PTPRM: variants seen among roughly 807,000 people sequenced by gnomAD.
PTPRM encodes the protein protein tyrosine phosphatase receptor type M, also known as receptor-type tyrosine-protein phosphatase mu.
A neutral mutation model predicts 186.7 loss-of-function variants in PTPRM; 47 were observed. The observed-to-expected ratio is 0.25, with a 90% CI of 0.20 to 0.32. The LOEUF (loss-of-function observed/expected upper bound fraction) is 0.32, where lower values mean the gene tolerates loss of function less well. PTPRM is among the 10% of genes least tolerant of loss of function. The pLI, the probability that PTPRM is intolerant of heterozygous loss-of-function variation, is 1.00. For missense variants in PTPRM, 1,494 were observed against 1,865.0 expected (o/e 0.80, Z 3.66); for synonymous variants, 668 against 674.9 (o/e 0.99, Z 0.16).
chr18:8,355,616 A>G (rs985270354), intron 23 of PTPRM, among the ~76,000 whole-genome samples: 4 of 152,164 alleles, frequency 2.6e-5, no homozygotes, highest in Non-Finnish European at 2.9e-5. Flanking sequence ...GGATCATCCA[A>G]AGGCAGAACA....
intron 1 of PTPRM, among the ~76,000 whole-genome samples, chr18:7,628,764 C>T (rs2038121275): frequency 6.6e-6 from 1 of 152,182 alleles, no homozygotes. Context: ...AAAATAGACC[C>T]AAAATGCTGG....
At chr18:8,182,708 C>G (rs1239853638) in intron 14 of PTPRM, among the ~76,000 whole-genome samples, 1 of 152,204 alleles carries the variant, frequency 6.6e-6, no homozygotes, top group African/African-American at 2.4e-5. Flanking sequence ...TGTAAAATCA[C>G]TATGATTAAA....
intron 4 of PTPRM, among the ~76,000 whole-genome samples, chr18:7,919,387 T>C (rs571459040): frequency 1.8e-4 from 28 of 152,256 alleles, no homozygotes; most frequent in African/African-American, 6.7e-4. Flanking sequence ...TTGAGTAGTA[T>C]TGTCATTTTA....
intron 2 of PTPRM, among the ~76,000 whole-genome samples, chr18:7,846,897 TG>T (rs893268659): frequency 8.5e-5 from 13 of 152,158 alleles, no homozygotes; most frequent in African/African-American, 2.9e-4. Flanking sequence ...CTTATTCTAC[TG>T]TATTTTATCT....
intron 7 of PTPRM, among the ~76,000 whole-genome samples, chr18:8,030,573 T>G (rs2187185): frequency 0.023 from 3,559 of 152,356 alleles, 139 homozygotes; most frequent in African/African-American, 0.081. Flanking sequence ...CTGTCTATTT[T>G]AGTATAATAC....
intron 7 of PTPRM, among the ~76,000 whole-genome samples, chr18:7,996,783 A>T (rs2083562430): frequency 6.7e-6 from 1 of 149,014 alleles, no homozygotes; most frequent in African/African-American, 2.5e-5. Flanking sequence ...AAGCTATCGC[A>T]TTTACAGTAG....
intron 14 of PTPRM, among the ~76,000 whole-genome samples, chr18:8,199,516 G>T (rs1335179860): frequency 6.6e-6 from 1 of 152,222 alleles, no homozygotes; most frequent in Non-Finnish European, 1.5e-5. Context: ...GTTGAGGTCA[G>T]TGTAGCTCCA....
chr18:8,352,456 T>A lies in PTPRM; in HGVS notation c.3054+8936T>A, dbSNP rs556548567. ...TTCCCTCCTTCCTCTCTCCTCCCTT[T>A]TATATTCCCCAGTGTTTATTCCCAT... On this transcript the variant is annotated intron_variant, in intron 23 of 32. Transcript: ENST00000580170. Among the ~76,000 whole-genome samples the A allele has an allele frequency of 3.3e-5, 5 of 152,230 alleles. No individual in the cohort carries two copies. In the South Asian group the frequency reaches 1.0e-3, roughly 32 times the overall value.
chr18:7,666,190 C>T (rs1259783579), intron 1 of PTPRM, among the ~76,000 whole-genome samples: 1 of 152,152 alleles, frequency 6.6e-6, no homozygotes, highest in Admixed American at 6.5e-5. Context: ...TGAAGATTTT[C>T]CCCTTTAATC....
At chr18:7,716,123 A>C (rs539656679) in intron 1 of PTPRM, among the ~76,000 whole-genome samples, 2 of 152,196 alleles carry the variant, frequency 1.3e-5, no homozygotes, top group Admixed American at 1.3e-4. Flanking sequence ...CTACAAGTCT[A>C]CAGTAACCAA....
chr18:8,375,149 C>G (rs1380314208), intron 24 of PTPRM, among the ~76,000 whole-genome samples: 1 of 152,160 alleles, frequency 6.6e-6, no homozygotes, highest in Non-Finnish European at 1.5e-5. Context: ...ATTCTCAAAA[C>G]AAAAGTAAAT....
chr18:7,993,804 A>C (rs1293850228), intron 7 of PTPRM, among the ~76,000 whole-genome samples: 3 of 152,154 alleles, frequency 2.0e-5, no homozygotes, highest in African/African-American at 7.2e-5. Context: ...TTATTGAAAG[A>C]GCAGATACGT....
intron 1 of PTPRM, among the ~76,000 whole-genome samples, chr18:7,578,223 G>A (rs2036741360): frequency 6.6e-6 from 1 of 152,064 alleles, no homozygotes; most frequent in Non-Finnish European, 1.5e-5. Context: ...AGTGCAAGTG[G>A]CATGATCATA....
intron 2 of PTPRM, among the ~76,000 whole-genome samples, chr18:7,792,581 C>T (rs1009164542): frequency 2.0e-5 from 3 of 152,162 alleles, no homozygotes; most frequent in East Asian, 1.9e-4. Flanking sequence ...ACACATAATA[C>T]ATTTTTTAAA....
intron 1 of PTPRM, among the ~76,000 whole-genome samples, chr18:7,618,587 T>A (rs550225960): frequency 6.6e-6 from 1 of 152,224 alleles, no homozygotes; most frequent in Non-Finnish European, 1.5e-5. Context: ...CAAACCTGTT[T>A]GCCCACATCT....
intron 1 of PTPRM, among the ~76,000 whole-genome samples, chr18:7,714,258 T>G (rs576831471): frequency 1.6e-4 from 25 of 152,284 alleles, no homozygotes; most frequent in Admixed American, 4.6e-4. Flanking sequence ...AATCTCCTCC[T>G]GAGTGACTAC....
intron 1 of PTPRM, among the ~76,000 whole-genome samples, chr18:7,586,311 A>C (rs1250061022): frequency 6.6e-6 from 1 of 152,104 alleles, no homozygotes; most frequent in Non-Finnish European, 1.5e-5. Flanking sequence ...CGGGTGGATG[A>C]ATGGTTCAGG....
At chr18:8,101,508 T>C (rs1333737916) in intron 11 of PTPRM, among the ~76,000 whole-genome samples, 1 of 152,188 alleles carries the variant, frequency 6.6e-6, no homozygotes, top group African/African-American at 2.4e-5. Flanking sequence ...TAAATAATAA[T>C]TACAGCAATA....
intron 2 of PTPRM, among the ~76,000 whole-genome samples, chr18:7,868,155 T>A (rs2047807246): frequency 6.6e-6 from 1 of 152,186 alleles, no homozygotes; most frequent in Non-Finnish European, 1.5e-5. Context: ...CTCCTTTAGC[T>A]CGGAGGAGTT....
Sources: allele counts gnomAD v4.1 joint callset (sites outside exome capture counted in the v4.1 genomes callset), GRCh38; gene constraint gnomAD v4.1.1; transcripts MANE v1.5; gene names NCBI Gene and HGNC (gene_info 2026-07-23, HGNC 2026-07-21).